Variants in NGLY1 observed in about 807,000 individuals in gnomAD.
The protein encoded by NGLY1 is N-glycanase 1, also known as peptide-N(4)-(N-acetyl-beta-glucosaminyl)asparagine amidase.
A neutral mutation model predicts 84.6 loss-of-function variants in NGLY1; 68 were observed. The ratio of observed to expected loss-of-function variants is 0.80; its 90% CI spans 0.66 to 0.98. The LOEUF (loss-of-function observed/expected upper bound fraction) is 0.98. NGLY1 is among the 50% of genes least tolerant of loss of function. The pLI is 0.00. For missense variants in NGLY1, 779 were observed against 770.2 expected, an observed-to-expected ratio of 1.01 and a Z score of -0.14; for synonymous variants, 280 against 275.2, an observed-to-expected ratio of 1.02 and a Z score of -0.17.
chr3:25,771,190 A>G (rs571659093), intron 2 of NGLY1, among the ~76,000 whole-genome samples: 1 of 152,294 alleles, frequency 6.6e-6, no homozygotes, highest in African/African-American at 2.4e-5. Flanking sequence ...CTTAGATTTA[A>G]GTCTTTCATA....
At chr3:25,749,296 C>T (rs190572811) in intron 4 of NGLY1, among the ~76,000 whole-genome samples, 1 of 152,238 alleles carries the variant, frequency 6.6e-6, no homozygotes, top group East Asian at 1.9e-4. Context: ...ATTTAAACAC[C>T]CACGTTCATA....
At chr3:25,720,572 A>G (rs182112597) in intron 10 of NGLY1, among the ~76,000 whole-genome samples, 11 of 152,278 alleles carry the variant, frequency 7.2e-5, no homozygotes, top group Admixed American at 3.3e-4. Context: ...TTTAATTTTT[A>G]TAAGTCTGGA....
In NGLY1 at chr3:25,724,802, C is replaced by T. The variant is rs567735800; in HGVS notation, c.1611+4331G>A. ...CTAAGAAACTTTCCCTCTTCCTCCT[C>T]TCCAAAAGCCAACTCAGATATTACT... is the stretch of plus-strand genomic sequence containing the variant. On this transcript the variant is annotated intron_variant, in intron 10 of 11. Transcript: ENST00000280700. 2.0e-4 allele frequency among the ~76,000 whole-genome samples: 30 copies of T among 152,330 alleles called. No individual in the cohort carries two copies. In the South Asian group the frequency reaches 5.6e-3, roughly 28 times the overall value.
chr3:25,788,591 T>C (rs961030775), intron 1 of NGLY1, among the ~76,000 whole-genome samples: 7 of 152,260 alleles, frequency 4.6e-5, no homozygotes, highest in Non-Finnish European at 1.0e-4. Context: ...GATTTTGTGA[T>C]ATTACAAAAG....
In NGLY1 at chr3:25,718,995, T is replaced by G. The variant is rs1575602946; in HGVS notation, c.*465A>C. ...TTAAATGCCTGAATATTTATAATCA[T>G]ATAAATTTTCATGCATTATATAATT... is the stretch of plus-strand genomic sequence containing the variant. On this transcript the variant is annotated 3_prime_UTR_variant, in exon 12 of 12. Transcript: ENST00000280700. 6.6e-6 allele frequency: 1 copy of G among 152,232 alleles called. No individual in the cohort carries two copies. The highest frequency in any genetic ancestry group is 6.5e-5 in the Admixed American group (1 of 15,278). The allele number at this position is 152,232 out of a possible 1,614,324, so 9.4% of individuals were successfully genotyped here. A position where few individuals can be genotyped will look rare whatever the true frequency, so the allele number is the denominator to read the frequency against.
In NGLY1 at chr3:25,737,337, T is replaced by C. The variant is rs760254613; in HGVS notation, c.1000A>G (p.Thr334Ala). 1 of 1,610,670 alleles carries C rather than the reference T, an allele frequency of 6.2e-7. No individual in the cohort carries two copies. Among genetic ancestry groups the C allele is most frequent in the Non-Finnish European group, 8.5e-7 (1 of 1,178,994 alleles). ...CTGCTCATTCCACATTCTGTACCTG[T>C]GTAATCCCAAACATAGCGAGCTTCA... ...GFEARYVWDY[T>A]DHVWTEVYSP... Residue 334 changes from threonine to alanine, a missense_variant, in exon 6 of 12, where the codon ACA becomes GCA. Transcript: ENST00000280700.
At chr3:25,757,866 T>G (rs1707119403) in intron 3 of NGLY1, among the ~76,000 whole-genome samples, 1 of 152,216 alleles carries the variant, frequency 6.6e-6, no homozygotes, top group Admixed American at 6.5e-5. Context: ...CTGGAGAAGC[T>G]ACCCTGAGGT....
intron 4 of NGLY1, among the ~76,000 whole-genome samples, chr3:25,746,504 T>A (rs1706440623): frequency 1.3e-5 from 2 of 152,212 alleles, no homozygotes; most frequent in South Asian, 4.1e-4. Flanking sequence ...ATTACCTTTA[T>A]AATTAGAAAG....
intron 1 of NGLY1, among the ~76,000 whole-genome samples, chr3:25,780,796 T>TA (rs1708379499): frequency 6.6e-6 from 1 of 151,828 alleles, no homozygotes; most frequent in African/African-American, 2.4e-5. Context: ...TTTTTTTTTT[T>TA]ATTAAGAGAT....
intron 4 of NGLY1, 118 bp downstream of exon 4, chr3:25,750,980 A>G (rs1706713057): frequency 4.1e-6 from 4 of 979,656 alleles, no homozygotes; most frequent in Non-Finnish European, 5.8e-6. Flanking sequence ...GAATCCACAT[A>G]TAAGTGGACC....
intron 10 of NGLY1, among the ~76,000 whole-genome samples, chr3:25,726,055 G>A (rs867644983): frequency 1.3e-5 from 2 of 152,080 alleles, no homozygotes; most frequent in African/African-American, 4.8e-5. Context: ...TTGACATAAT[G>A]CCATGCACCC....
rs373507826 is a variant in NGLY1, at chr3:25,723,749, A to T, written c.1612-3558T>A. The stretch of plus-strand genomic sequence containing the variant: ...GACATATTTTTGCCTGTTGGCTTTA[A>T]AAAATTTTTTTTAAATTTATTGTGT... On this transcript the variant is annotated intron_variant, in intron 10 of 11. Transcript: ENST00000280700. Among the ~76,000 whole-genome samples, 7 of 152,324 alleles carry T rather than the reference A, an allele frequency of 4.6e-5. No individual in the cohort carries two copies. The East Asian group carries it at 1.3e-3, about 29-fold the overall frequency.
At chr3:25,762,766 CACATGGAGAAACCCCGTCTCTACTAAAA>C (rs1448681918) in intron 3 of NGLY1, among the ~76,000 whole-genome samples, 1 of 151,912 alleles carries the variant, frequency 6.6e-6, no homozygotes, top group Non-Finnish European at 1.5e-5. Flanking sequence ...CAGCCTGGCA[CACATGGAGAAACCCCGTCTCTACTAAAA>C]ACACAAAAAA....
intron 1 of NGLY1, among the ~76,000 whole-genome samples, chr3:25,779,616 T>G (rs912020214): frequency 2.0e-5 from 3 of 152,188 alleles, no homozygotes; most frequent in Non-Finnish European, 4.4e-5. Flanking sequence ...GGGTATGATA[T>G]GGTGAGTAGG....
At chr3:25,719,919 T>A (rs1704895931) in intron 11 of NGLY1, 95 bp downstream of exon 11, 1 of 1,091,356 alleles carries the variant, frequency 9.2e-7, no homozygotes, top group Admixed American at 2.5e-5. Flanking sequence ...TAATAACTCT[T>A]AGGTACGAAA....
intron 10 of NGLY1, among the ~76,000 whole-genome samples, chr3:25,724,919 C>T (rs1189448695): frequency 5.9e-5 from 9 of 152,144 alleles, no homozygotes; most frequent in Admixed American, 3.3e-4. Flanking sequence ...GCTCATAACT[C>T]CCATAGCCTT....
intron 3 of NGLY1, chr3:25,755,547 A>G: frequency 1.4e-6 from 2 of 1,423,604 alleles, no homozygotes; most frequent in Non-Finnish European, 2.0e-6. Flanking sequence ...AAATGTTCCA[A>G]CTAATCCCTC....
In NGLY1 at chr3:25,737,322, C is replaced by T; in HGVS notation, c.1003+12G>A. 1 of 1,601,056 alleles carries T rather than the reference C, an allele frequency of 6.2e-7. No individual in the cohort carries two copies. Among genetic ancestry groups the T allele is most frequent in the Non-Finnish European group, 8.5e-7 (1 of 1,175,674 alleles). ...AAGCCCTACTACCCTCTGCTCATTC[C>T]ACATTCTGTACCTGTGTAATCCCAA... On this transcript the variant is annotated intron_variant, in intron 6 of 11. Coordinates refer to ENST00000280700, the MANE Select transcript of NGLY1 (RefSeq NM_018297.4).
chr3:25,755,405 A>C, intron 3 of NGLY1: 1 of 1,424,752 alleles, frequency 7.0e-7, no homozygotes, highest in South Asian at 1.1e-5. Context: ...TACTATAGTG[A>C]CCCCACAAAC....
Sources: allele counts gnomAD v4.1 joint callset (sites outside exome capture counted in the v4.1 genomes callset), GRCh38; gene constraint gnomAD v4.1.1; transcripts MANE v1.5; gene names NCBI Gene and HGNC (gene_info 2026-07-23, HGNC 2026-07-21).